STK32C: variants seen among roughly 807,000 people sequenced by gnomAD.
STK32C encodes serine/threonine kinase 32C.
STK32C carries 31 observed loss-of-function variants against 56.5 expected under a neutral mutation model. The observed-to-expected ratio is 0.55, with a 90% CI of 0.41 to 0.74. The LOEUF is 0.74. STK32C is among the 30% of genes least tolerant of loss of function. STK32C has a pLI of 0.00. For synonymous variants in STK32C, 309 were observed against 289.4 expected (o/e 1.07, Z -0.69); for missense variants, 544 against 676.9 (o/e 0.80, Z 2.18).
chr10:132,213,452 C>G, intron 10 of STK32C, among the ~76,000 whole-genome samples: 1 of 152,316 alleles, frequency 6.6e-6, no homozygotes, highest in East Asian at 1.9e-4. Context: ...AAGGGCAACC[C>G]GGGAAATGAA....
At chr10:132,216,140 C>A (rs533592392) in intron 10 of STK32C, among the ~76,000 whole-genome samples, 10 of 152,182 alleles carry the variant, frequency 6.6e-5, no homozygotes, top group African/African-American at 2.4e-4. Context: ...CATAAAAGTT[C>A]AAAAAATTTG....
chr10:132,230,679 C>CGGGGGGGGGGGG (rs377544275), intron 2 of STK32C, among the ~76,000 whole-genome samples: 1 of 49,684 alleles, frequency 2.0e-5, no homozygotes, highest in African/African-American at 8.6e-5. Flanking sequence ...GGGAAGCTGG[C>CGGGGGGGGGGGG]GGGGGGGGGG....
rs534241618 is a variant in STK32C, at chr10:132,314,442, AGGAGAAGAT to A, written c.301+16985_301+16993del. On this transcript the variant is annotated intron_variant, in intron 1 of 3. Coordinates refer to the STK32C transcript ENST00000368620. ...GAGATACAATGTAACTAAAATCACC[AGGAGAAGAT>A]GAAAACAACCCATGGGACACAAGGA... Among the ~76,000 whole-genome samples, 57 of 152,366 alleles carry A rather than the reference AGGAGAAGAT, an allele frequency of 3.7e-4. 1 individual carries two copies. Among genetic ancestry groups the A allele is most frequent in the Admixed American group, 3.1e-3 (48 of 15,302 alleles).
At chr10:132,230,744 C>T (rs1464352246) in intron 2 of STK32C, among the ~76,000 whole-genome samples, 5 of 149,372 alleles carry the variant, frequency 3.3e-5, no homozygotes, top group Non-Finnish European at 7.4e-5. Flanking sequence ...AGCCCAAGGC[C>T]GTCTTCAGCC....
chr10:132,282,744 C>T (rs1409474930), intron 1 of STK32C, among the ~76,000 whole-genome samples: 2 of 152,260 alleles, frequency 1.3e-5, no homozygotes, highest in African/African-American at 4.8e-5. Context: ...TAGGCTGGGG[C>T]CACCAGTTAA....
chr10:132,235,994 T>C (rs1001504270), intron 2 of STK32C, among the ~76,000 whole-genome samples: 4 of 152,050 alleles, frequency 2.6e-5, no homozygotes, highest in Non-Finnish European at 4.4e-5. Context: ...GTGGCGAAGG[T>C]TGTGGCTGTA....
chr10:132,242,737 T>G (rs1430294605), intron 2 of STK32C, among the ~76,000 whole-genome samples: 1 of 152,134 alleles, frequency 6.6e-6, no homozygotes, highest in Non-Finnish European at 1.5e-5. Flanking sequence ...TCCCCCACGA[T>G]GCCCTGCACA....
chr10:132,310,104 C>T (rs2066191278), upstream of STK32C, among the ~76,000 whole-genome samples: 1 of 152,190 alleles, frequency 6.6e-6, no homozygotes, highest in African/African-American at 2.4e-5. This position sits in a 1 kb window ranked among gnomAD's most constrained non-coding sequence, Gnocchi z 4.6. Flanking sequence ...GGCTCTTGAC[C>T]TAGGGATACC....
rs1236857541 is a variant in STK32C at position 132,307,058 on chromosome 10, G to A, written c.262+514C>T. The stretch of plus-strand genomic sequence containing the variant: ...AGGGCAGGTCTTTGCACAACGGCCT[G>A]GCCCTGCCTCCAGCGCACATGGGTG... On this transcript the variant is annotated intron_variant, in intron 1 of 11. Coordinates refer to ENST00000298630, the MANE Select transcript of STK32C (RefSeq NM_173575.4). This position sits in a 1 kb window ranked among gnomAD's most constrained non-coding sequence, Gnocchi z 4.4. 1 of 152,348 alleles carries A rather than the reference G, an allele frequency of 6.6e-6. No individual in the cohort carries two copies. The highest frequency in any genetic ancestry group is 2.4e-5 in the African/African-American group (1 of 41,464). 9.4% of individuals were successfully genotyped at this position (152,348 alleles called of 1,614,324 possible).
intron 1 of STK32C, among the ~76,000 whole-genome samples, chr10:132,271,788 G>T (rs1007614395): frequency 6.6e-6 from 1 of 152,208 alleles, no homozygotes; most frequent in African/African-American, 2.4e-5. Context: ...AAATTTCCAG[G>T]TGTGGGTGGG....
In STK32C at chr10:132,215,211, G is replaced by A. The variant is rs776723485; in HGVS notation, c.1252-6110C>T. ...TTTTTTTTTGTAGAGACAGGGTCTC[G>A]CCATGTTGCCCAGCCTGGTCTCAAA... On this transcript the variant is annotated intron_variant, in intron 10 of 11. Transcript: ENST00000298630. Among the ~76,000 whole-genome samples the A allele has an allele frequency of 5.3e-5, 8 of 152,120 alleles. 1 individual carries two copies. The highest frequency in any genetic ancestry group is 1.9e-4 in the East Asian group (1 of 5,146).
At chr10:132,231,302 G>C (rs2063091645) in intron 2 of STK32C, among the ~76,000 whole-genome samples, 1 of 152,172 alleles carries the variant, frequency 6.6e-6, no homozygotes, top group African/African-American at 2.4e-5. Flanking sequence ...CTGCCTGGAT[G>C]GTGGAGCCAT....
chr10:132,248,454 G>A (rs575260891), intron 1 of STK32C, among the ~76,000 whole-genome samples: 1 of 152,376 alleles, frequency 6.6e-6, no homozygotes, highest in Admixed American at 6.5e-5. Context: ...GATGAACTCC[G>A]CTGGGCGGCT....
chr10:132,243,717 G>C (rs564656217), intron 2 of STK32C, among the ~76,000 whole-genome samples: 2 of 152,198 alleles, frequency 1.3e-5, no homozygotes, highest in Non-Finnish European at 2.9e-5. Flanking sequence ...TTCCGAGAGC[G>C]GCGGCCCCGA....
intron 1 of STK32C, among the ~76,000 whole-genome samples, chr10:132,247,953 G>A (rs1013667761): frequency 4.6e-5 from 7 of 152,118 alleles, no homozygotes; most frequent in Non-Finnish European, 8.8e-5. Context: ...CGCAGAGGAC[G>A]GGCCGTGCTG....
intron 1 of STK32C, among the ~76,000 whole-genome samples, chr10:132,251,234 T>C (rs1014325246): frequency 6.6e-6 from 1 of 152,162 alleles, no homozygotes; most frequent in African/African-American, 2.4e-5. Flanking sequence ...CAGTTTCGCC[T>C]AGTCCCAAGT....
chr10:132,208,337 G>A (rs2062168615), intron 11 of STK32C, among the ~76,000 whole-genome samples, 186 bp from the exon 12 acceptor site: 1 of 152,238 alleles, frequency 6.6e-6, no homozygotes, highest in African/African-American at 2.4e-5. Flanking sequence ...GACGGGTGGG[G>A]GCACGTGAGC....
chr10:132,331,583 C>A, exon 1 of STK32C: 1 of 1,612,934 alleles, frequency 6.2e-7, no homozygotes, highest in South Asian at 1.1e-5. Flanking sequence ...CCAGGAAGCC[C>A]CAGGAGAGAC....
chr10:132,329,086 C>CA (rs1425750706), intron 1 of STK32C, among the ~76,000 whole-genome samples: 2 of 152,230 alleles, frequency 1.3e-5, no homozygotes, highest in African/African-American at 4.8e-5. Flanking sequence ...GAGATGAAAA[C>CA]AATAAAGCAC....
Sources: gnomAD v4.1 joint callset for allele counts (sites outside exome capture counted in the v4.1 genomes callset) on GRCh38, gnomAD v4.1.1 for gene constraint, Gnocchi (gnomAD v3.1) non-coding constraint, MANE v1.5 for transcripts, NCBI Gene and HGNC (gene_info 2026-07-23, HGNC 2026-07-21) for gene names.